Variants in SLC4A5 observed in about 807,000 individuals in gnomAD.
SLC4A5 encodes electrogenic sodium bicarbonate cotransporter 4.
SLC4A5 carries 96 observed loss-of-function variants against 120.4 expected under a neutral mutation model. The observed-to-expected ratio is 0.80, with a 90% CI of 0.68 to 0.94. The LOEUF is 0.94. Ranked by LOEUF, SLC4A5 falls within the 40% of genes least tolerant of loss-of-function variation. The pLI, the probability that SLC4A5 is intolerant of heterozygous loss-of-function variation, is 0.00. For synonymous variants in SLC4A5, 550 were observed against 571.1 expected, an observed-to-expected ratio of 0.96 and a Z score of 0.53; for missense variants, 1,259 against 1,459.5, an observed-to-expected ratio of 0.86 and a Z score of 2.24.
At chr2:74,233,517 T>C in exon 23 of SLC4A5, 1 of 1,614,036 alleles carries the variant, frequency 6.2e-7, no homozygotes, top group Non-Finnish European at 8.5e-7. Flanking sequence ...CCACCACGGG[T>C]TCTTCCCAAA....
rs574244904 is a variant in SLC4A5 at position 74,320,833 on chromosome 2, T to G, written c.-2-5808A>C. Among the ~76,000 whole-genome samples, 3 of 152,260 alleles carry G rather than the reference T, an allele frequency of 2.0e-5. No individual in the cohort carries two copies. The South Asian group carries it at 6.2e-4, about 32-fold the overall frequency. ...TGTCTTCAGGAAAAAAACCTGGATC[T>G]GAAAAATGGTCTTGATGTGTTTGAC... is the stretch of plus-strand genomic sequence containing the variant. On this transcript the variant is annotated intron_variant, in intron 5 of 30. Transcript: ENST00000394019.
intron 9 of SLC4A5, 102 bp from the exon 10 acceptor site, chr2:74,264,401 A>G: frequency 7.2e-7 from 1 of 1,379,654 alleles, no homozygotes; most frequent in South Asian, 1.4e-5. Context: ...AATGTGGCAG[A>G]GGGGGTGTGG....
chr2:74,225,021 T>C, intron 27 of SLC4A5, 26 bp from the exon 28 acceptor site: 1 of 1,594,166 alleles, frequency 6.3e-7, no homozygotes, highest in Non-Finnish European at 8.5e-7. Flanking sequence ...ACTAAAGTTT[T>C]GTGAGAATTT....
At chr2:74,343,052 G>C (rs1413825214) in intron 1 of SLC4A5, among the ~76,000 whole-genome samples, 1 of 152,146 alleles carries the variant, frequency 6.6e-6, no homozygotes, top group African/African-American at 2.4e-5. Flanking sequence ...TCCCCTCACA[G>C]AGGAAACTGG....
intron 5 of SLC4A5, among the ~76,000 whole-genome samples, chr2:74,325,875 A>C (rs1673204719): frequency 7.3e-6 from 1 of 136,998 alleles, no homozygotes; most frequent in South Asian, 2.8e-4. Flanking sequence ...GGGAGGGGGA[A>C]AGGGGAAGGG....
At chr2:74,305,518 C>G (rs1672614280) in intron 6 of SLC4A5, among the ~76,000 whole-genome samples, 1 of 151,960 alleles carries the variant, frequency 6.6e-6, no homozygotes, top group Non-Finnish European at 1.5e-5. Flanking sequence ...AATTAATGAG[C>G]CAATACTGAC....
At chr2:74,317,282 T>C (rs1422143214) in intron 5 of SLC4A5, among the ~76,000 whole-genome samples, 1 of 152,216 alleles carries the variant, frequency 6.6e-6, no homozygotes, top group Non-Finnish European at 1.5e-5. Context: ...GTCATCATCA[T>C]TTATTTTACT....
At chr2:74,338,233 GA>G (rs1368064602) in intron 3 of SLC4A5, among the ~76,000 whole-genome samples, 1 of 152,166 alleles carries the variant, frequency 6.6e-6, no homozygotes, top group Non-Finnish European at 1.5e-5. Context: ...TTTGTTTGGG[GA>G]CAGGAACTGG....
chr2:74,310,011 T>C (rs766560470), intron 6 of SLC4A5, among the ~76,000 whole-genome samples: 2 of 152,194 alleles, frequency 1.3e-5, no homozygotes, highest in Non-Finnish European at 1.5e-5. Context: ...ATTACTTTTA[T>C]AGTTTTTCTC....
At chr2:74,275,146 C>T (rs1301314925) in intron 8 of SLC4A5, among the ~76,000 whole-genome samples, 1 of 152,146 alleles carries the variant, frequency 6.6e-6, no homozygotes, top group Non-Finnish European at 1.5e-5. Context: ...CCTTCCCAGA[C>T]AGTGATGAAC....
At chr2:74,293,097 G>C (rs902195410) in intron 7 of SLC4A5, among the ~76,000 whole-genome samples, 2 of 152,078 alleles carry the variant, frequency 1.3e-5, no homozygotes, top group East Asian at 3.9e-4. Context: ...GGGGATTCGG[G>C]TGACTCCAGG....
intron 8 of SLC4A5, among the ~76,000 whole-genome samples, chr2:74,275,497 C>A (rs1671610251): frequency 6.6e-6 from 1 of 152,172 alleles, no homozygotes; most frequent in Admixed American, 6.5e-5. Context: ...TCTGCTGGTA[C>A]CTCCCTTCAC....
chr2:74,239,244 G>A (rs1367071379), intron 21 of SLC4A5, 91 bp downstream of exon 21: 1 of 1,230,732 alleles, frequency 8.1e-7, no homozygotes, highest in Non-Finnish European at 1.2e-6. Context: ...TGCTCGCATG[G>A]AGTCCATCCT....
chr2:74,338,332 TA>T (rs1370339281), intron 3 of SLC4A5, among the ~76,000 whole-genome samples: 1 of 152,186 alleles, frequency 6.6e-6, no homozygotes, highest in Non-Finnish European at 1.5e-5. Flanking sequence ...TTTAAAAATC[TA>T]CAAGTAAAAT....
intron 21 of SLC4A5, among the ~76,000 whole-genome samples, chr2:74,238,676 C>T (rs1303008975): frequency 6.6e-6 from 1 of 152,146 alleles, no homozygotes; most frequent in African/African-American, 2.4e-5. Context: ...GAAACACTGT[C>T]TCACAGTACA....
intron 8 of SLC4A5, among the ~76,000 whole-genome samples, chr2:74,282,723 G>A (rs1573059182): frequency 6.6e-6 from 1 of 152,224 alleles, no homozygotes; most frequent in Non-Finnish European, 1.5e-5. Flanking sequence ...GGCCTTCTTG[G>A]CAAGGGCTCC....
intron 6 of SLC4A5, chr2:74,307,616 G>C: frequency 1.2e-6 from 1 of 841,792 alleles, no homozygotes; most frequent in Non-Finnish European, 2.0e-6. Context: ...TGTCCTCAAT[G>C]GTCTTGAAGT....
At chr2:74,313,623 T>C (rs897867667) in intron 6 of SLC4A5, among the ~76,000 whole-genome samples, 5 of 152,330 alleles carry the variant, frequency 3.3e-5, no homozygotes, top group African/African-American at 1.2e-4. Flanking sequence ...CCTCACTTCC[T>C]AGGGCACGGG....
intron 4 of SLC4A5, among the ~76,000 whole-genome samples, chr2:74,330,377 G>A (rs2104338429): frequency 6.7e-6 from 1 of 150,182 alleles, no homozygotes; most frequent in East Asian, 2.0e-4. Flanking sequence ...TTTAGGTGTA[G>A]GTGGTGAGAT....
Sources: gnomAD v4.1 joint callset for allele counts (sites outside exome capture counted in the v4.1 genomes callset) on GRCh38, gnomAD v4.1.1 for gene constraint, MANE v1.5 for transcripts, NCBI Gene and HGNC (gene_info 2026-07-23, HGNC 2026-07-21) for gene names.